TTC27: variants seen among roughly 807,000 people sequenced by gnomAD.
TTC27 encodes tetratricopeptide repeat protein 27.
A neutral mutation model predicts 115.9 loss-of-function variants in TTC27; 79 were observed. The ratio of observed to expected loss-of-function variants is 0.68; its 90% CI spans 0.57 to 0.82. The LOEUF is 0.82. Among genes scored for constraint, TTC27 ranks in the 40% least tolerant of loss-of-function variants. The probability of loss-of-function intolerance (pLI) is 0.00; values close to 1 mark genes in which losing one functional copy is unlikely to be tolerated. For missense variants in TTC27, 1,054 were observed against 993.1 expected, an observed-to-expected ratio of 1.06 and a Z score of -0.82; for synonymous variants, 401 against 356.0, an observed-to-expected ratio of 1.13 and a Z score of -1.42.
chr2:32,808,252 A>G (rs1194710188), intron 16 of TTC27, among the ~76,000 whole-genome samples: 1 of 151,976 alleles, frequency 6.6e-6, no homozygotes. Context: ...CCTCTTCTTA[A>G]ATGTTGTGTT....
chr2:32,672,325 T>A lies in TTC27; in HGVS notation c.993T>A (p.Cys331Ter), dbSNP rs1331050502. 9 of 1,613,896 alleles carry A rather than the reference T, an allele frequency of 5.6e-6. No homozygotes were observed. Among genetic ancestry groups the A allele is most frequent in the African/African-American group, 1.3e-5 (1 of 74,932 alleles). ...TILNDIKLADCEQFQMPDLCA... is the reference protein window; with the variant it reads ...TILNDIKLAD ...TGAATGACATAAAGTTAGCAGATTG[T>A]GAACAGTTCCAGATGCCGGATCTGT... Residue 331 changes from cysteine to a stop codon, truncating the protein, a stop_gained, in exon 8 of 20, where the codon TGT becomes TGA. Transcript: ENST00000317907. LOFTEE classifies it high-confidence loss of function.
Position 32,664,365 on chromosome 2 carries a change from C to G in TTC27, c.703C>G (p.Leu235Val). ...TCGATATTTGGCTATTCAATTCCAT[C>G]TGGAATGTGCATATGTGTTTTTATA... is the stretch of plus-strand genomic sequence containing the variant. ...SGRYLAIQFH[L>V]ECAYVFLYYY... Residue 235 changes from leucine (L) to valine (V), a missense_variant, in exon 6 of 20, where the codon CTG (leucine) becomes GTG (valine). Transcript: ENST00000317907. 3 of 1,612,046 alleles carry G rather than the reference C, an allele frequency of 1.9e-6. No homozygotes were observed. The highest frequency in any genetic ancestry group is 1.7e-5 in the Admixed American group (1 of 59,856).
chr2:32,707,706 C>G (rs1051580616), intron 10 of TTC27, among the ~76,000 whole-genome samples: 2 of 152,076 alleles, frequency 1.3e-5, no homozygotes, highest in African/African-American at 4.8e-5. Flanking sequence ...ATTGATGTTT[C>G]TTAGAAATAC....
At chr2:32,721,678 T>G (rs1202275725) in intron 10 of TTC27, among the ~76,000 whole-genome samples, 2 of 149,816 alleles carry the variant, frequency 1.3e-5, no homozygotes, top group Non-Finnish European at 3.0e-5. Context: ...CAGGCTGGAG[T>G]ACAGTGGAAT....
At chr2:32,805,294 T>TA (rs1313669122) in intron 16 of TTC27, among the ~76,000 whole-genome samples, 2 of 152,190 alleles carry the variant, frequency 1.3e-5, no homozygotes, top group Admixed American at 6.5e-5. Flanking sequence ...TAGGAAGGGC[T>TA]ATATATGTAA....
intron 8 of TTC27, among the ~76,000 whole-genome samples, chr2:32,673,438 G>T (rs2151884910): frequency 6.6e-6 from 1 of 152,034 alleles, no homozygotes; most frequent in South Asian, 2.1e-4. Flanking sequence ...TGCTTTCCAG[G>T]CTGGTCTCGA....
rs552785907 is a variant in TTC27 at position 32,793,679 on chromosome 2, C to T, written c.1998+6530C>T. ...CTGGGATTATAGGTGCCTGCCACCA[C>T]GCCCGGCTAATTTTTGTATTTTTAG... On this transcript the variant is annotated intron_variant, in intron 16 of 19. Transcript: ENST00000317907. 1.5e-4 allele frequency among the ~76,000 whole-genome samples: 23 copies of T among 152,036 alleles called. No individual in the cohort carries two copies. The East Asian group carries it at 3.3e-3, about 22-fold the overall frequency.
intron 4 of TTC27, among the ~76,000 whole-genome samples, chr2:32,649,183 A>C (rs1386439048): frequency 6.6e-6 from 1 of 151,224 alleles, no homozygotes; most frequent in Non-Finnish European, 1.5e-5. Context: ...TAGCAGGAGA[A>C]GACTGTAAGG....
At chr2:32,653,596 AAAAAAAAAAAC>A (rs1362521995) in intron 5 of TTC27, among the ~76,000 whole-genome samples, 17 of 151,340 alleles carry the variant, frequency 1.1e-4, no homozygotes, top group African/African-American at 2.9e-4. Flanking sequence ...TCCATCTCAA[AAAAAAAAAAAC>A]AAAAAAAAAA....
rs78662814 is a variant in TTC27, at chr2:32,718,266, C to G, written c.1233+15346C>G. Among the ~76,000 whole-genome samples the G allele has an allele frequency of 6.6e-4, 100 of 152,254 alleles. 3 individuals are homozygous for G. The East Asian group carries it at 0.017, about 26-fold the overall frequency. On this transcript the variant is annotated intron_variant, in intron 10 of 19. Transcript: ENST00000317907. ...TGTGGAGACCTCCCAGATCTATCTTCTGTGCCTCTTCTAAGCTGTTTGTCT... is the reference window on the plus strand; with the variant it reads ...TGTGGAGACCTCCCAGATCTATCTTGTGTGCCTCTTCTAAGCTGTTTGTCT...
At chr2:32,732,491 C>A (rs1434871907) in intron 10 of TTC27, among the ~76,000 whole-genome samples, 1 of 152,188 alleles carries the variant, frequency 6.6e-6, no homozygotes, top group Non-Finnish European at 1.5e-5. Context: ...GGAGAAGCCT[C>A]CCTGCTCAGA....
chr2:32,721,744 C>G (rs184207666), intron 10 of TTC27, among the ~76,000 whole-genome samples: 1 of 151,336 alleles, frequency 6.6e-6, no homozygotes, highest in African/African-American at 2.4e-5. Flanking sequence ...TCAAGCCATC[C>G]TCCTGCCTTT....
At chr2:32,688,584 C>T (rs1005813403) in intron 9 of TTC27, among the ~76,000 whole-genome samples, 18 of 152,092 alleles carry the variant, frequency 1.2e-4, no homozygotes, top group Admixed American at 1.2e-3. Flanking sequence ...AGAAACCAAC[C>T]AATTAAATAT....
rs779547700 is a variant in TTC27 at position 32,692,036 on chromosome 2, G to GTTTTTTTTT, written c.1120-10753_1120-10745dup. Among the ~76,000 whole-genome samples, 447 of 61,186 alleles carry GTTTTTTTTT rather than the reference G, an allele frequency of 7.3e-3. 65 individuals are homozygous for GTTTTTTTTT. The highest frequency in any genetic ancestry group is 0.056 in the Middle Eastern group (3 of 54). The allele number at this position is 61,186 out of a possible 152,430, so 40.1% of individuals were successfully genotyped here. On this transcript the variant is annotated intron_variant, in intron 9 of 19. Coordinates refer to ENST00000317907, the MANE Select transcript of TTC27 (RefSeq NM_017735.5). Reference sequence around the variant, plus strand: ...GGGATATTCTTTTTTAATTTTTTAGGTTTTTTTTTTTTTTTTTTTTTTTTT... The same window carrying GTTTTTTTTT: ...GGGATATTCTTTTTTAATTTTTTAGGTTTTTTTTTTTTTTTTTTTTTTTTTTTTTTTTTT...
At chr2:32,727,673 C>T (rs182670569) in intron 10 of TTC27, among the ~76,000 whole-genome samples, 2 of 152,208 alleles carry the variant, frequency 1.3e-5, no homozygotes, top group Admixed American at 6.5e-5. Flanking sequence ...TAGCTATCAT[C>T]TATTATGCCA....
chr2:32,790,534 G>A (rs1670501662), intron 16 of TTC27, among the ~76,000 whole-genome samples: 2 of 152,098 alleles, frequency 1.3e-5, no homozygotes, highest in African/African-American at 4.8e-5. Flanking sequence ...AGATCAGGCT[G>A]ATTAACATAC....
At chr2:32,634,097 G>C (rs1664320713) in intron 3 of TTC27, 92 bp downstream of exon 3, 1 of 1,388,902 alleles carries the variant, frequency 7.2e-7, no homozygotes, top group African/African-American at 1.5e-5. Flanking sequence ...TAGTAGGAAA[G>C]AAACATGACT....
intron 7 of TTC27, among the ~76,000 whole-genome samples, chr2:32,669,880 T>C (rs1346849995): frequency 1.3e-5 from 1 of 75,582 alleles, no homozygotes; most frequent in African/African-American, 5.2e-5. Flanking sequence ...AGTGAGACTT[T>C]CTCAAAAAAA....
chr2:32,635,665 C>G (rs1481016381), intron 3 of TTC27, among the ~76,000 whole-genome samples: 1 of 151,886 alleles, frequency 6.6e-6, no homozygotes, highest in Non-Finnish European at 1.5e-5. Context: ...GCCTGGGTGA[C>G]AGAGTGAGAC....
Sources: gnomAD v4.1 joint callset for allele counts (sites outside exome capture counted in the v4.1 genomes callset) on GRCh38, gnomAD v4.1.1 for gene constraint, MANE v1.5 for transcripts, NCBI Gene and HGNC (gene_info 2026-07-23, HGNC 2026-07-21) for gene names.